The following GRID2 variants were observed in gnomAD, a reference collection of about 807,000 sequenced individuals.
The protein encoded by GRID2 is glutamate receptor ionotropic, delta-2.
GRID2 carries 33 observed loss-of-function variants against 114.8 expected under a neutral mutation model. The ratio of observed to expected loss-of-function variants is 0.29; its 90% CI spans 0.22 to 0.38. GRID2 has a LOEUF of 0.38. GRID2 is among the 10% of genes least tolerant of loss of function. The pLI is 1.00. For missense variants in GRID2, 1,184 were observed against 1,257.7 expected (o/e 0.94, Z 0.89); for synonymous variants, 505 against 449.9 (o/e 1.12, Z -1.55).
At position 92,749,459 on chromosome 4, in the gene GRID2, C is replaced by T. The variant is rs529028045; in HGVS notation, c.244+159173C>T. Among the ~76,000 whole-genome samples the T allele has an allele frequency of 5.3e-5, 8 of 151,680 alleles. No homozygotes were observed. In the East Asian group the frequency reaches 7.8e-4, roughly 15 times the overall value. On this transcript the variant is annotated intron_variant, in intron 2 of 15. Coordinates refer to ENST00000282020, the MANE Select transcript of GRID2 (RefSeq NM_001510.4). ...CCTCTCAAGTAGCTGAGACTACAGG[C>T]GCCAGCCACCACACCTGGCTAATTT...
chr4:92,935,663 A>T lies in GRID2; in HGVS notation c.245-149332A>T, dbSNP rs1289622119. On this transcript the variant is annotated intron_variant, in intron 2 of 15. Coordinates refer to ENST00000282020, the MANE Select transcript of GRID2 (RefSeq NM_001510.4). ...ATGTCCAACAATGATAGACTGGATTAAGAAAATGTGGCACATATACACCAT... is the reference window on the plus strand; with the variant it reads ...ATGTCCAACAATGATAGACTGGATTTAGAAAATGTGGCACATATACACCAT... Among the ~76,000 whole-genome samples, 3 of 147,122 alleles carry T rather than the reference A, an allele frequency of 2.0e-5. 1 individual carries two copies. Among genetic ancestry groups the T allele is most frequent in the Non-Finnish European group, 4.5e-5 (3 of 66,472 alleles).
At chr4:92,917,318 C>G (rs1349193204) in intron 2 of GRID2, among the ~76,000 whole-genome samples, 1 of 152,052 alleles carries the variant, frequency 6.6e-6, no homozygotes, top group Admixed American at 6.6e-5. Context: ...GTTGCCTGTT[C>G]ACTCTGATGG....
chr4:93,605,851 G>C (rs78876113), intron 13 of GRID2, among the ~76,000 whole-genome samples: 1 of 152,152 alleles, frequency 6.6e-6, no homozygotes, highest in Non-Finnish European at 1.5e-5. Context: ...TACAAGGTGC[G>C]ATAGGATCAT....
chr4:92,921,137 G>T (rs963709627), intron 2 of GRID2, among the ~76,000 whole-genome samples: 24 of 151,818 alleles, frequency 1.6e-4, no homozygotes, highest in African/African-American at 5.8e-4. Flanking sequence ...CCAGTTGATC[G>T]CGTCGGCTAC....
intron 2 of GRID2, among the ~76,000 whole-genome samples, chr4:92,820,129 A>G (rs1741177651): frequency 6.6e-6 from 1 of 152,158 alleles, no homozygotes; most frequent in Non-Finnish European, 1.5e-5. Flanking sequence ...TTCTGCCCAC[A>G]GCCCTGAGAC....
intron 3 of GRID2, among the ~76,000 whole-genome samples, chr4:93,089,993 C>T (rs931485131): frequency 6.6e-6 from 1 of 152,074 alleles, no homozygotes; most frequent in Non-Finnish European, 1.5e-5. Context: ...GTCTTGTTCC[C>T]TAATAAGAAT....
At chr4:93,542,452 C>T (rs11940867) in intron 13 of GRID2, among the ~76,000 whole-genome samples, 20,908 of 152,064 alleles carry the variant, frequency 0.14, 2,813 homozygotes, top group African/African-American at 0.36. Context: ...CAATTCTGAT[C>T]GCCAGTATTA....
chr4:93,295,508 AG>A (rs1400051732), intron 8 of GRID2, among the ~76,000 whole-genome samples: 3 of 152,314 alleles, frequency 2.0e-5, no homozygotes, highest in African/African-American at 7.2e-5. Context: ...TCTGCAGGGC[AG>A]GCTGTCAAGA....
At position 92,992,105 on chromosome 4, in the gene GRID2, A is replaced by G. The variant is rs542590280; in HGVS notation, c.245-92890A>G. Among the ~76,000 whole-genome samples, 211 of 152,278 alleles carry G rather than the reference A, an allele frequency of 1.4e-3. 1 individual carries two copies. Among genetic ancestry groups the G allele is most frequent in the African/African-American group, 4.9e-3 (203 of 41,572 alleles). On this transcript the variant is annotated intron_variant, in intron 2 of 15. Coordinates refer to ENST00000282020, the MANE Select transcript of GRID2 (RefSeq NM_001510.4). ...TGTACAAAGTTGCATCAGGTAGAAG[A>G]AGGCAAACCCAGTTTAAAGAACTGG...
intron 6 of GRID2, 69 bp from the exon 7 acceptor site, chr4:93,224,545 T>A (rs2149492253): frequency 1.0e-6 from 1 of 992,406 alleles, no homozygotes; most frequent in Admixed American, 1.9e-5. Flanking sequence ...TTGAGACAAT[T>A]ATTTTTTTTC....
At chr4:93,270,687 G>T (rs1751366647) in intron 8 of GRID2, among the ~76,000 whole-genome samples, 1 of 151,994 alleles carries the variant, frequency 6.6e-6, no homozygotes, top group South Asian at 2.1e-4. Flanking sequence ...GGAGTGCAGT[G>T]GCACAATTTC....
intron 2 of GRID2, among the ~76,000 whole-genome samples, chr4:92,702,070 T>G (rs886134387): frequency 2.6e-5 from 4 of 152,166 alleles, no homozygotes; most frequent in Non-Finnish European, 5.9e-5. Flanking sequence ...ATCAAGGGTT[T>G]GTTTGTTCAA....
Position 93,490,755 on chromosome 4 carries a change from A to G in GRID2, c.1975A>G (p.Thr659Ala), listed in dbSNP as rs892017952. ...AAACCTCGCTGCTTTCCTCACTATT[A>G]CACGCATTGAAAGTTCCATCCAGTA... ...TANLAAFLTI[T>A]RIESSIQSLQ... Residue 659 changes from threonine to alanine, a missense_variant, in exon 12 of 16, where the codon ACA (threonine) becomes GCA (alanine). Thr to Ala is a moderately conservative substitution (Grantham distance 58). This residue lies in a region of GRID2 where 717 missense variants were observed against 796.9 expected (regional missense o/e 0.90). Coordinates refer to ENST00000282020, the MANE Select transcript of GRID2 (RefSeq NM_001510.4). The G allele has an allele frequency of 3.7e-6, 6 of 1,609,338 alleles. No individual in the cohort carries two copies. Among genetic ancestry groups the G allele is most frequent in the Non-Finnish European group, 5.1e-6 (6 of 1,176,956 alleles).
chr4:93,153,084 A>T (rs1452961706), intron 4 of GRID2, among the ~76,000 whole-genome samples: 1 of 152,178 alleles, frequency 6.6e-6, no homozygotes, highest in African/African-American at 2.4e-5. Flanking sequence ...TTCTTTGAAT[A>T]GTAATCTATG....
chr4:93,288,139 A>C (rs1753372766), intron 8 of GRID2, among the ~76,000 whole-genome samples: 1 of 152,294 alleles, frequency 6.6e-6, no homozygotes, highest in African/African-American at 2.4e-5. Context: ...TTTTATTGGG[A>C]TATCCTTAAA....
chr4:93,344,567 G>A (rs1760001549), intron 8 of GRID2, among the ~76,000 whole-genome samples: 1 of 150,458 alleles, frequency 6.6e-6, no homozygotes, highest in Non-Finnish European at 1.5e-5. Context: ...CTTATATTTT[G>A]TGAGAGCATT....
chr4:93,619,904 C>G (rs549794885), intron 13 of GRID2, among the ~76,000 whole-genome samples: 28 of 152,298 alleles, frequency 1.8e-4, no homozygotes, highest in African/African-American at 5.8e-4. Context: ...TAGGCTATAC[C>G]TTACAGGCAA....
At chr4:92,319,571 A>G (rs1033903728) in intron 1 of GRID2, among the ~76,000 whole-genome samples, 9 of 152,234 alleles carry the variant, frequency 5.9e-5, no homozygotes, top group African/African-American at 1.9e-4. Flanking sequence ...CAACGCTGCC[A>G]GAATCTGCCT....
chr4:93,380,209 A>G (rs746343480), intron 8 of GRID2, among the ~76,000 whole-genome samples: 1 of 152,052 alleles, frequency 6.6e-6, no homozygotes, highest in Non-Finnish European at 1.5e-5. Context: ...ACATACGGGG[A>G]TTTAAAACAG....
Sources: gnomAD v4.1 joint callset for allele counts (sites outside exome capture counted in the v4.1 genomes callset) on GRCh38, gnomAD v4.1.1 for gene constraint, gnomAD v4.1.1 regional missense constraint, MANE v1.5 for transcripts, NCBI Gene and HGNC (gene_info 2026-07-23, HGNC 2026-07-21) for gene names.